The following NAALADL2 variants were observed in gnomAD, a reference collection of about 807,000 sequenced individuals.
The protein encoded by NAALADL2 is inactive N-acetylated-alpha-linked acidic dipeptidase-like protein 2.
A neutral mutation model predicts 87.2 loss-of-function variants in NAALADL2; 76 were observed. That is an observed-to-expected ratio of 0.87 (90% CI 0.72 to 1.05). The LOEUF is 1.05. NAALADL2 is among the 50% of genes least tolerant of loss of function. The probability of loss-of-function intolerance (pLI) is 0.00; values close to 1 mark genes in which losing one functional copy is unlikely to be tolerated. For missense variants in NAALADL2, 1,089 were observed against 945.8 expected (o/e 1.15, Z -1.99); for synonymous variants, 354 against 331.0 (o/e 1.07, Z -0.75).
chr3:175,038,972 C>T (rs778140526), intron 1 of NAALADL2, among the ~76,000 whole-genome samples: 102 of 152,110 alleles, frequency 6.7e-4, no homozygotes, highest in Middle Eastern at 3.4e-3. Flanking sequence ...CTAGTCAAAC[C>T]AAATAAACAA....
chr3:175,698,836 C>A (rs142061734), intron 11 of NAALADL2, among the ~76,000 whole-genome samples: 1 of 151,744 alleles, frequency 6.6e-6, no homozygotes, highest in Admixed American at 6.6e-5. Context: ...GCACTCAGAT[C>A]CCATTTATTT....
intron 1 of NAALADL2, among the ~76,000 whole-genome samples, chr3:175,021,928 G>A (rs182406778): frequency 4.9e-4 from 74 of 152,136 alleles, no homozygotes; most frequent in Admixed American, 9.2e-4. Context: ...AGTAGGGCCC[G>A]GTGGGAGGTG....
chr3:175,140,094 CTCTG>C (rs1024521341), intron 2 of NAALADL2, among the ~76,000 whole-genome samples: 4 of 152,078 alleles, frequency 2.6e-5, no homozygotes, highest in African/African-American at 9.7e-5. Context: ...TGAATCTTAG[CTCTG>C]TCTGTCATCT....
At chr3:175,658,099 T>A (rs951556676) in intron 11 of NAALADL2, among the ~76,000 whole-genome samples, 3 of 152,122 alleles carry the variant, frequency 2.0e-5, no homozygotes, top group Non-Finnish European at 4.4e-5. Flanking sequence ...CATAATCATT[T>A]CATTATTCTA....
chr3:175,201,155 T>G (rs1013045335), intron 2 of NAALADL2, among the ~76,000 whole-genome samples: 13 of 152,188 alleles, frequency 8.5e-5, no homozygotes, highest in Non-Finnish European at 1.6e-4. Context: ...CCCTGAAGGT[T>G]GGGACCACAT....
intron 2 of NAALADL2, among the ~76,000 whole-genome samples, chr3:174,704,635 G>A (rs1378237778): frequency 6.6e-6 from 1 of 151,086 alleles, no homozygotes; most frequent in African/African-American, 2.4e-5. Context: ...CCCAAGGTAT[G>A]GGAAAATATT....
intron 2 of NAALADL2, among the ~76,000 whole-genome samples, chr3:174,650,659 G>A (rs956834034): frequency 6.6e-6 from 1 of 152,090 alleles, no homozygotes; most frequent in African/African-American, 2.4e-5. Flanking sequence ...ATGAGTTTAT[G>A]TTATAGGAAA....
At chr3:175,687,213 G>A (rs143359170) in intron 11 of NAALADL2, among the ~76,000 whole-genome samples, 96 of 152,112 alleles carry the variant, frequency 6.3e-4, no homozygotes, top group African/African-American at 1.6e-3. Context: ...TAATAAAGTG[G>A]GTTTTGCAAA....
intron 5 of NAALADL2, among the ~76,000 whole-genome samples, chr3:175,425,431 A>C (rs1485846796): frequency 4.6e-5 from 7 of 152,190 alleles, no homozygotes; most frequent in African/African-American, 1.7e-4. Flanking sequence ...AATACAATTA[A>C]AAATGAAACA....
At chr3:174,602,764 G>C (rs1028843170) in intron 2 of NAALADL2, among the ~76,000 whole-genome samples, 3 of 151,858 alleles carry the variant, frequency 2.0e-5, no homozygotes, top group Non-Finnish European at 4.4e-5. Flanking sequence ...CTGTGGGTTT[G>C]TTATACATTG....
At chr3:174,970,386 A>G (rs150942770) in intron 1 of NAALADL2, among the ~76,000 whole-genome samples, 1,715 of 152,316 alleles carry the variant, frequency 0.011, 36 homozygotes, top group African/African-American at 0.04. Flanking sequence ...TTAAATAAAA[A>G]CAGACTAAAG....
chr3:174,607,492 A>C (rs2108628450), intron 2 of NAALADL2, among the ~76,000 whole-genome samples: 1 of 150,166 alleles, frequency 6.7e-6, no homozygotes, highest in South Asian at 2.2e-4. Flanking sequence ...CAAATGGAAA[A>C]CAAAAAAAGG....
intron 10 of NAALADL2, among the ~76,000 whole-genome samples, chr3:175,577,666 G>T (rs1719099562): frequency 6.6e-6 from 1 of 152,002 alleles, no homozygotes; most frequent in Non-Finnish European, 1.5e-5. Flanking sequence ...AAAATCATTT[G>T]TATTATTTAT....
chr3:174,672,676 A>G (rs1324481774), intron 2 of NAALADL2, among the ~76,000 whole-genome samples: 1 of 152,058 alleles, frequency 6.6e-6, no homozygotes, highest in African/African-American at 2.4e-5. Flanking sequence ...AAGGGAAGTG[A>G]TTTTTGAATA....
intron 1 of NAALADL2, among the ~76,000 whole-genome samples, chr3:174,481,987 C>G (rs758761475): frequency 6.6e-6 from 1 of 152,030 alleles, no homozygotes; most frequent in African/African-American, 2.4e-5. Context: ...AATGTAGGTA[C>G]AGTGAGTTAT....
chr3:175,667,113 AAG>A (rs201571156), intron 11 of NAALADL2, among the ~76,000 whole-genome samples: 2,221 of 149,082 alleles, frequency 0.015, 72 homozygotes, highest in African/African-American at 0.053. Flanking sequence ...GAAGGAAGGA[AAG>A]AGAGAGAGAG....
intron 9 of NAALADL2, among the ~76,000 whole-genome samples, chr3:175,497,638 A>T (rs554451851): frequency 3.9e-5 from 6 of 152,208 alleles, no homozygotes; most frequent in African/African-American, 1.4e-4. Context: ...TAAATTCTCA[A>T]GGTCGGTACT....
At chr3:175,296,628 A>C (rs553178331) in intron 4 of NAALADL2, among the ~76,000 whole-genome samples, 2 of 152,060 alleles carry the variant, frequency 1.3e-5, no homozygotes, top group Admixed American at 6.6e-5. Context: ...TCCCATATAG[A>C]TTTATGAAGA....
intron 9 of NAALADL2, among the ~76,000 whole-genome samples, chr3:175,572,978 T>C (rs1718315549): frequency 6.6e-6 from 1 of 152,106 alleles, no homozygotes; most frequent in Non-Finnish European, 1.5e-5. Context: ...TGTAAGAAAC[T>C]AACACCTTTT....
Sources: allele counts gnomAD v4.1 joint callset (sites outside exome capture counted in the v4.1 genomes callset), GRCh38; gene constraint gnomAD v4.1.1; transcripts MANE v1.5; gene names NCBI Gene and HGNC (gene_info 2026-07-23, HGNC 2026-07-21).